The following PTPRO variants were observed in gnomAD, a reference collection of about 807,000 sequenced individuals.
PTPRO encodes the protein protein tyrosine phosphatase receptor type O, also known as receptor-type tyrosine-protein phosphatase O.
In PTPRO, 62 loss-of-function variants were observed where a neutral mutation model predicts 145.2. That is an observed-to-expected ratio of 0.43 (90% CI 0.35 to 0.53). The LOEUF (loss-of-function observed/expected upper bound fraction) is 0.53. Among genes scored for constraint, PTPRO ranks in the 20% least tolerant of loss-of-function variants. The pLI, the probability that PTPRO is intolerant of heterozygous loss-of-function variation, is 0.01. For synonymous variants in PTPRO, 565 were observed against 514.7 expected (o/e 1.10, Z -1.32); for missense variants, 1,345 against 1,482.7 (o/e 0.91, Z 1.53).
intron 2 of PTPRO, among the ~76,000 whole-genome samples, chr12:15,488,528 C>T (rs900952736): frequency 3.9e-5 from 6 of 152,268 alleles, no homozygotes; most frequent in Admixed American, 2.0e-4. Context: ...GCTTTTTAAA[C>T]AAGTTTGGAA....
chr12:15,438,047 A>T (rs1940649311), intron 1 of PTPRO, among the ~76,000 whole-genome samples: 1 of 152,220 alleles, frequency 6.6e-6, no homozygotes, highest in South Asian at 2.1e-4. Context: ...TTGTAGGACA[A>T]ACTTCACAGC....
At chr12:15,347,468 T>A (rs1867261787) in intron 1 of PTPRO, among the ~76,000 whole-genome samples, 1 of 152,188 alleles carries the variant, frequency 6.6e-6, no homozygotes, top group Non-Finnish European at 1.5e-5. Flanking sequence ...TACCCCCAAA[T>A]ATACTCTTTC....
chr12:15,578,663 G>T (rs1369095909), intron 19 of PTPRO, among the ~76,000 whole-genome samples, 190 bp from the exon 20 acceptor site: 11 of 152,216 alleles, frequency 7.2e-5, no homozygotes, highest in Admixed American at 7.2e-4. Flanking sequence ...AAGCTTCTGA[G>T]TGGACTTGAT....
At chr12:15,515,322 A>G (rs973963172) in intron 7 of PTPRO, among the ~76,000 whole-genome samples, 176 bp from the exon 8 acceptor site, 2 of 152,126 alleles carry the variant, frequency 1.3e-5, no homozygotes, top group Non-Finnish European at 2.9e-5. Context: ...GTTCCCTTCA[A>G]TGTTCACATA....
rs552091955 is a variant in PTPRO, at chr12:15,511,591, G to A, written c.1464+2824G>A. 3.3e-5 allele frequency among the ~76,000 whole-genome samples: 5 copies of A among 152,202 alleles called. No individual in the cohort carries two copies. The East Asian group carries it at 9.7e-4, about 29-fold the overall frequency. On this transcript the variant is annotated intron_variant, in intron 7 of 26. Transcript: ENST00000281171. ...TTGTTTGTTTATGAGACGGAGTCTC[G>A]CTCTGCTGCCAGGCTGGAGCATGGA...
At chr12:15,500,214 A>G (rs938470044) in intron 4 of PTPRO, among the ~76,000 whole-genome samples, 2 of 152,188 alleles carry the variant, frequency 1.3e-5, no homozygotes, top group African/African-American at 4.8e-5. Flanking sequence ...TGAATACTCA[A>G]TAGGAATGCT....
chr12:15,442,115 T>A (rs1940784239), intron 1 of PTPRO, among the ~76,000 whole-genome samples: 1 of 152,052 alleles, frequency 6.6e-6, no homozygotes, highest in South Asian at 2.1e-4. Context: ...AATGCTAGCA[T>A]ACTGAATTCA....
At chr12:15,591,622 G>A (rs1944554880) in intron 25 of PTPRO, among the ~76,000 whole-genome samples, 1 of 152,040 alleles carries the variant, frequency 6.6e-6, no homozygotes, top group East Asian at 1.9e-4. Context: ...AGCATTTTAT[G>A]TTGATATCTC....
chr12:15,480,489 G>C (rs1941755308), intron 1 of PTPRO, among the ~76,000 whole-genome samples: 2 of 152,058 alleles, frequency 1.3e-5, no homozygotes, highest in African/African-American at 4.8e-5. Context: ...TTTAGCTTTG[G>C]CTGGGCTACC....
chr12:15,511,169 A>C (rs2136488905), intron 7 of PTPRO, among the ~76,000 whole-genome samples: 1 of 152,368 alleles, frequency 6.6e-6, no homozygotes, highest in Non-Finnish European at 1.5e-5. Context: ...TAAGACAGTC[A>C]GGAAAAATAT....
intron 10 of PTPRO, among the ~76,000 whole-genome samples, chr12:15,523,255 A>G (rs1414684831): frequency 6.6e-6 from 1 of 152,244 alleles, no homozygotes; most frequent in Non-Finnish European, 1.5e-5. Context: ...TTTATAGAAA[A>G]TTTCCATAGA....
intron 4 of PTPRO, 108 bp downstream of exon 4, chr12:15,499,702 AAT>A (rs3838355): frequency 0.24 from 299,035 of 1,234,190 alleles, 40,439 homozygotes; most frequent in Admixed American, 0.38. Context: ...AAAGAAAGAA[AAT>A]ATATATGTTT....
intron 23 of PTPRO, among the ~76,000 whole-genome samples, chr12:15,584,248 G>A (rs1310142191): frequency 4.6e-5 from 7 of 152,232 alleles, no homozygotes; most frequent in Non-Finnish European, 1.0e-4. Flanking sequence ...TAAGGCACTT[G>A]TAAAGCATCA....
At position 15,520,241 on chromosome 12, in the gene PTPRO, G is replaced by T; in HGVS notation, c.1820G>T (p.Arg607Leu). 1 of 1,613,778 alleles carries T rather than the reference G, an allele frequency of 6.2e-7. No homozygotes were observed. Among genetic ancestry groups the T allele is most frequent in the Non-Finnish European group, 8.5e-7 (1 of 1,179,854 alleles). ...CTGCCAGCATGGTACTACAACTTCC[G>T]GGTTACCATGGTGACGTGGGGAGAT... ...NLLPAWYYNF[R>L]VTMVTWGDPE... The change falls in exon 10 of 27, where the codon CGG becomes CTG. Residue 607 changes from arginine (R) to leucine (L), a missense_variant. This residue lies in a region of PTPRO where 1,130 missense variants were observed against 1,214.7 expected (regional missense o/e 0.93). Coordinates refer to ENST00000281171, the MANE Select transcript of PTPRO (RefSeq NM_030667.3).
intron 8 of PTPRO, 27 bp downstream of exon 8, chr12:15,515,645 A>C (rs573665503): frequency 1.2e-6 from 2 of 1,613,688 alleles, no homozygotes; most frequent in Non-Finnish European, 1.7e-6. Context: ...AAGAAGAATG[A>C]CTGACCTATA....
At chr12:15,465,654 T>C (rs1941399492) in intron 1 of PTPRO, among the ~76,000 whole-genome samples, 1 of 152,124 alleles carries the variant, frequency 6.6e-6, no homozygotes, top group Non-Finnish European at 1.5e-5. Flanking sequence ...GGCACTTGAA[T>C]AGTGTCAGAT....
intron 1 of PTPRO, among the ~76,000 whole-genome samples, chr12:15,399,645 T>A (rs367815913): frequency 7.9e-5 from 12 of 152,318 alleles, no homozygotes; most frequent in Admixed American, 7.2e-4. Context: ...TTATCACTTA[T>A]TTTTCATATC....
At chr12:15,557,825 G>A (rs912475875) in intron 16 of PTPRO, among the ~76,000 whole-genome samples, 3 of 152,174 alleles carry the variant, frequency 2.0e-5, no homozygotes, top group Admixed American at 6.5e-5. Context: ...ATGCAGGAGC[G>A]CCGCTGAACA....
At chr12:15,492,211 A>G (rs554694514) in intron 2 of PTPRO, among the ~76,000 whole-genome samples, 3 of 152,286 alleles carry the variant, frequency 2.0e-5, no homozygotes, top group Non-Finnish European at 4.4e-5. Flanking sequence ...AAATGGGGAG[A>G]TGAAAAAGCA....
Sources: gnomAD v4.1 joint callset for allele counts (sites outside exome capture counted in the v4.1 genomes callset) on GRCh38, gnomAD v4.1.1 for gene constraint, gnomAD v4.1.1 regional missense constraint, MANE v1.5 for transcripts, NCBI Gene and HGNC (gene_info 2026-07-23, HGNC 2026-07-21) for gene names.